The following SLA2 variants were observed in gnomAD, a reference collection of about 807,000 sequenced individuals.
SLA2 encodes Src like adaptor 2, also known as src-like-adapter 2.
In SLA2, 22 loss-of-function variants were observed where a neutral mutation model predicts 27.3. That is an observed-to-expected ratio of 0.81 (90% CI 0.58 to 1.15). SLA2 has a LOEUF of 1.15. SLA2 is among the 50% of genes most tolerant of loss of function. The probability of loss-of-function intolerance (pLI) is 0.00; values close to 1 mark genes in which losing one functional copy is unlikely to be tolerated. For missense variants in SLA2, 304 were observed against 322.2 expected (o/e 0.94, Z 0.43); for synonymous variants, 131 against 137.8 (o/e 0.95, Z 0.34).
chr20:36,633,756 G>A (rs2039416408), intron 3 of SLA2, 127 bp from the exon 4 acceptor site: 2 of 720,954 alleles, frequency 2.8e-6, no homozygotes, highest in Admixed American at 4.5e-5. Context: ...TGTTTCCCAG[G>A]CTTCCCTGCA....
At chr20:36,637,625 T>C (rs796083346) in intron 2 of SLA2, among the ~76,000 whole-genome samples, 407 of 29,488 alleles carry the variant, frequency 0.014, 4 homozygotes, top group African/African-American at 0.022. Flanking sequence ...TGAAGTTTGC[T>C]TTTTTTTTTT....
chr20:36,618,547 A>G (rs1488524856), intron 5 of SLA2, among the ~76,000 whole-genome samples: 3 of 151,996 alleles, frequency 2.0e-5, no homozygotes, highest in Admixed American at 6.6e-5. Flanking sequence ...ACAAATTTAA[A>G]AGGATTGAAA....
chr20:36,631,361 C>G (rs2039392062), intron 5 of SLA2, among the ~76,000 whole-genome samples: 1 of 152,184 alleles, frequency 6.6e-6, no homozygotes, highest in Non-Finnish European at 1.5e-5. Flanking sequence ...ATTATGTTGG[C>G]TAGGCTGGTC....
intron 1 of SLA2, among the ~76,000 whole-genome samples, chr20:36,642,362 C>A (rs1001140349): frequency 5.3e-5 from 8 of 149,630 alleles, no homozygotes; most frequent in African/African-American, 2.0e-4. Context: ...CTGACCAGCC[C>A]CCTGTTTCCT....
intron 2 of SLA2, among the ~76,000 whole-genome samples, chr20:36,637,624 CTTTTT>C (rs36100264): frequency 6.2e-5 from 5 of 80,964 alleles, no homozygotes; most frequent in South Asian, 4.9e-4. Context: ...GTGAAGTTTG[CTTTTT>C]TTTTTTTTTT....
intron 5 of SLA2, among the ~76,000 whole-genome samples, chr20:36,618,736 A>G (rs1052172135): frequency 3.3e-5 from 5 of 151,124 alleles, no homozygotes; most frequent in Non-Finnish European, 5.9e-5. Flanking sequence ...CAGCCTGACC[A>G]TCTGTACTAA....
chr20:36,633,517 A>G, intron 4 of SLA2, 26 bp downstream of exon 4: 1 of 1,593,132 alleles, frequency 6.3e-7, no homozygotes, highest in Non-Finnish European at 8.6e-7. Flanking sequence ...GAAGCTCTGC[A>G]AGGCGGGCCT....
chr20:36,645,203 CA>C (rs985813376), intron 1 of SLA2, among the ~76,000 whole-genome samples: 3 of 138,958 alleles, frequency 2.2e-5, no homozygotes, highest in African/African-American at 5.4e-5. Flanking sequence ...GCCATCTCTA[CA>C]AAAATATAAC....
intron 2 of SLA2, among the ~76,000 whole-genome samples, chr20:36,636,407 G>C (rs866589547): frequency 8.0e-6 from 1 of 124,984 alleles, no homozygotes; most frequent in Non-Finnish European, 1.6e-5. Context: ...CAGCCTGGGC[G>C]ACAGAGCAAG....
chr20:36,626,790 G>A (rs1237813633), intron 5 of SLA2, among the ~76,000 whole-genome samples: 1 of 149,090 alleles, frequency 6.7e-6, no homozygotes, highest in Non-Finnish European at 1.5e-5. Flanking sequence ...CTTGCAGTGA[G>A]CCGAGATCCC....
intron 1 of SLA2, among the ~76,000 whole-genome samples, chr20:36,643,971 C>A (rs1978285691): frequency 6.6e-6 from 1 of 151,902 alleles, no homozygotes; most frequent in South Asian, 2.1e-4. Context: ...CCCCAAAAAA[C>A]CTAATACCTG....
At chr20:36,622,210 C>CAAAAAAAAAA (rs549536610) in intron 5 of SLA2, among the ~76,000 whole-genome samples, 45 of 100,948 alleles carry the variant, frequency 4.5e-4, no homozygotes, top group African/African-American at 1.7e-3. Flanking sequence ...GACTTGATCT[C>CAAAAAAAAAA]AAAAAAAAAA....
rs562850538 is a variant in SLA2 at position 36,634,503 on chromosome 20, T to C, written c.178A>G (p.Thr60Ala). The change falls in exon 3 of 8, where the codon ACC becomes GCC. Residue 60 changes from threonine (T) to alanine (A), a missense_variant. Thr to Ala is a moderately conservative substitution (Grantham distance 58, BLOSUM62 0). Transcript: ENST00000262866. Reference sequence around the variant, plus strand: ...CCATGGACTTACTCAGAGACGATGGTCAATGGCTCCCCGAGTCTCAGCGAC... The same window carrying C: ...CCATGGACTTACTCAGAGACGATGGCCAATGGCTCCCCGAGTCTCAGCGAC... Reference protein sequence around the residue: ...ELSLRLGEPLTIVSEDGDWWT... With the variant: ...ELSLRLGEPLAIVSEDGDWWT... 3.1e-6 allele frequency: 5 copies of C among 1,609,294 alleles called. No individual in the cohort carries two copies. The African/African-American group carries it at 5.3e-5, about 17-fold the overall frequency.
At chr20:36,632,532 C>T in intron 5 of SLA2, 63 bp downstream of exon 5, 1 of 1,309,718 alleles carries the variant, frequency 7.6e-7, no homozygotes, top group Non-Finnish European at 1.1e-6. Flanking sequence ...AGCCATATAT[C>T]TGTGGGCTCC....
chr20:36,628,033 G>A lies in SLA2; in HGVS notation c.382+4562C>T, dbSNP rs80020882. 6.0e-4 allele frequency among the ~76,000 whole-genome samples: 92 copies of A among 152,134 alleles called. 2 individuals carry two copies. In the East Asian group the frequency reaches 0.017, roughly 28 times the overall value. The stretch of plus-strand genomic sequence containing the variant: ...CATTGTCTCTTATTACTTCATTCTG[G>A]GTTCCCTAGATTGGAACTCTGTTTT... On this transcript the variant is annotated intron_variant, in intron 5 of 7. Transcript: ENST00000262866.
chr20:36,634,512 C>T lies in SLA2; in HGVS notation c.169G>A (p.Glu57Lys). ...GPAELSLRLG[E>K]PLTIVSEDGD... is the part of the protein sequence containing the mutation. ...TACTCAGAGACGATGGTCAATGGCTCCCCGAGTCTCAGCGACAGCTCGGCC... is the reference window on the plus strand; with the variant it reads ...TACTCAGAGACGATGGTCAATGGCTTCCCGAGTCTCAGCGACAGCTCGGCC... Residue 57 changes from glutamate to lysine, a missense_variant, in exon 3 of 8, where the codon GAG becomes AAG. Glu to Lys is a moderately conservative substitution (Grantham distance 56, BLOSUM62 1). Transcript: ENST00000262866. The T allele has an allele frequency of 1.2e-6, 2 of 1,611,044 alleles. No homozygotes were observed.
intron 1 of SLA2, among the ~76,000 whole-genome samples, chr20:36,644,585 A>G (rs1193276188): frequency 1.3e-5 from 2 of 152,192 alleles, no homozygotes; most frequent in Non-Finnish European, 2.9e-5. Flanking sequence ...CTCAGGCTGA[A>G]AGCCTCCCCA....
intron 2 of SLA2, among the ~76,000 whole-genome samples, chr20:36,636,552 C>T (rs1260152772): frequency 2.7e-4 from 39 of 142,862 alleles, no homozygotes; most frequent in Admixed American, 1.2e-3. Context: ...TTGCGGTGAG[C>T]GGAGATCACA....
intron 5 of SLA2, among the ~76,000 whole-genome samples, chr20:36,619,708 G>A (rs988171907): frequency 1.3e-5 from 2 of 149,260 alleles, no homozygotes; most frequent in African/African-American, 4.9e-5. Context: ...TCGGCTCACT[G>A]CAAGCTCTGC....
Sources: gnomAD v4.1 joint callset for allele counts (sites outside exome capture counted in the v4.1 genomes callset) on GRCh38, gnomAD v4.1.1 for gene constraint, MANE v1.5 for transcripts, NCBI Gene and HGNC (gene_info 2026-07-23, HGNC 2026-07-21) for gene names.